Variants in MRTFA observed in about 807,000 individuals in gnomAD.
MRTFA encodes myocardin-related transcription factor A.
A neutral mutation model predicts 83.5 loss-of-function variants in MRTFA; 20 were observed. That is an observed-to-expected ratio of 0.24 (90% CI 0.17 to 0.35). The LOEUF (loss-of-function observed/expected upper bound fraction) is 0.35. Ranked by LOEUF, MRTFA falls within the 10% of genes least tolerant of loss-of-function variation. The pLI is 1.00. For synonymous variants in MRTFA, 659 were observed against 541.2 expected, an observed-to-expected ratio of 1.22 and a Z score of -3.02; for missense variants, 1,200 against 1,224.7, an observed-to-expected ratio of 0.98 and a Z score of 0.30.
chr22:40,437,884 A>G (rs1313155529), intron 4 of MRTFA, among the ~76,000 whole-genome samples: 1 of 151,974 alleles, frequency 6.6e-6, no homozygotes, highest in Non-Finnish European at 1.5e-5. Context: ...TTTTTTAGTC[A>G]CTCACAGCAT....
chr22:40,548,357 T>TTA (rs1174393049), intron 3 of MRTFA, among the ~76,000 whole-genome samples: 1 of 5,912 alleles, frequency 1.7e-4, no homozygotes, highest in Non-Finnish European at 3.0e-4. Flanking sequence ...AGACTCCGTC[T>TTA]CAAAAAAAAA....
chr22:40,428,302 G>A (rs1474035083), intron 7 of MRTFA, among the ~76,000 whole-genome samples: 1 of 152,222 alleles, frequency 6.6e-6, no homozygotes, highest in African/African-American at 2.4e-5. Context: ...AATGGCATCT[G>A]AAAAGAAATG....
chr22:40,488,694 A>T (rs1292010030), intron 3 of MRTFA, among the ~76,000 whole-genome samples: 1 of 152,048 alleles, frequency 6.6e-6, no homozygotes, highest in Non-Finnish European at 1.5e-5. Flanking sequence ...TTAGCCAGGC[A>T]TGGTGGCGGG....
At chr22:40,541,931 G>A (rs975590289) in intron 3 of MRTFA, among the ~76,000 whole-genome samples, 2 of 152,124 alleles carry the variant, frequency 1.3e-5, no homozygotes, top group Non-Finnish European at 2.9e-5. Flanking sequence ...CTCCCAAAGC[G>A]CTGGGATTAC....
At chr22:40,572,334 G>T (rs1207509784) in intron 2 of MRTFA, among the ~76,000 whole-genome samples, 1 of 152,130 alleles carries the variant, frequency 6.6e-6, no homozygotes, top group Non-Finnish European at 1.5e-5. Flanking sequence ...ACTTTGCCAG[G>T]TGCAGAGGTG....
intron 2 of MRTFA, among the ~76,000 whole-genome samples, chr22:40,583,314 C>G (rs1441552341): frequency 6.6e-6 from 1 of 152,146 alleles, no homozygotes; most frequent in Admixed American, 6.5e-5. Flanking sequence ...AGCTCACAAA[C>G]TAGGCAGTCA....
rs149321204 is a variant in MRTFA at position 40,434,041 on chromosome 22, G to A, written c.363+1458C>T. 2.5e-3 allele frequency among the ~76,000 whole-genome samples: 384 copies of A among 152,304 alleles called. 7 individuals carry two copies. Among genetic ancestry groups the A allele is most frequent in the Non-Finnish European group, 6.2e-4 (42 of 68,026 alleles). ...CTCTTAGCTGCATCTATAAAATGAGGATAATACCACCTAATTCATAAGAGT... is the reference window on the plus strand; with the variant it reads ...CTCTTAGCTGCATCTATAAAATGAGAATAATACCACCTAATTCATAAGAGT... On this transcript the variant is annotated intron_variant, in intron 5 of 14. Transcript: ENST00000355630.
intron 3 of MRTFA, among the ~76,000 whole-genome samples, chr22:40,488,501 G>A (rs75768218): frequency 0.02 from 3,023 of 152,192 alleles, 89 homozygotes; most frequent in African/African-American, 0.068. Context: ...TGGGCGACAC[G>A]GTGAGACTCC....
intron 3 of MRTFA, among the ~76,000 whole-genome samples, chr22:40,530,457 T>G (rs113458238): frequency 1.3e-5 from 2 of 152,136 alleles, no homozygotes; most frequent in African/African-American, 4.8e-5. Context: ...CCACCACACC[T>G]GGCTAATTTC....
Position 40,543,428 on chromosome 22 carries a change from A to C in MRTFA, c.241+8678T>G, listed in dbSNP as rs542700704. ...TCTTAAATCTTACATAAAGGAGGAGAAAAACCACTGTGAAAGAGGAAAGGC... is the reference window on the plus strand; with the variant it reads ...TCTTAAATCTTACATAAAGGAGGAGCAAAACCACTGTGAAAGAGGAAAGGC... On this transcript the variant is annotated intron_variant, in intron 3 of 14. Transcript: ENST00000355630. 2.0e-5 allele frequency among the ~76,000 whole-genome samples: 3 copies of C among 152,286 alleles called. No homozygotes were observed. The South Asian group carries it at 6.2e-4, about 32-fold the overall frequency.
chr22:40,611,493 C>T (rs1421919180), intron 1 of MRTFA, among the ~76,000 whole-genome samples: 2 of 152,042 alleles, frequency 1.3e-5, no homozygotes, highest in Non-Finnish European at 2.9e-5. Context: ...AATCCTCCCA[C>T]CTCAGCCTCC....
intron 2 of MRTFA, among the ~76,000 whole-genome samples, chr22:40,576,116 C>T (rs1259167098): frequency 6.6e-6 from 1 of 151,182 alleles, no homozygotes; most frequent in Non-Finnish European, 1.5e-5. Context: ...GCAACCTCCA[C>T]CCCGTGGGTT....
chr22:40,494,954 G>A (rs562949784), intron 3 of MRTFA, among the ~76,000 whole-genome samples: 4 of 152,072 alleles, frequency 2.6e-5, no homozygotes, highest in South Asian at 2.1e-4. Flanking sequence ...GATAAAAGGT[G>A]GTGGTTTACC....
At chr22:40,560,525 T>C (rs747128131) in intron 2 of MRTFA, among the ~76,000 whole-genome samples, 3 of 152,224 alleles carry the variant, frequency 2.0e-5, no homozygotes, top group Non-Finnish European at 4.4e-5. Context: ...TGTTGAGGTA[T>C]AGCCATCATA....
At chr22:40,535,630 G>T (rs1330003290) in intron 3 of MRTFA, among the ~76,000 whole-genome samples, 5 of 152,152 alleles carry the variant, frequency 3.3e-5, no homozygotes, top group Non-Finnish European at 5.9e-5. Context: ...TGGGATTACA[G>T]GCCTGAACCA....
At chr22:40,526,504 G>C (rs555444226) in intron 3 of MRTFA, 1 of 152,322 alleles carries the variant, frequency 6.6e-6, no homozygotes, top group Admixed American at 6.5e-5. Context: ...AAACAAGCAA[G>C]GGAGAGAAGA....
chr22:40,440,951 T>TA (rs965372360), intron 4 of MRTFA, among the ~76,000 whole-genome samples: 20 of 152,196 alleles, frequency 1.3e-4, no homozygotes, highest in South Asian at 6.2e-4. Flanking sequence ...GCATTCATCT[T>TA]AGACTCCATC....
intron 4 of MRTFA, among the ~76,000 whole-genome samples, chr22:40,455,927 C>A (rs931170542): frequency 2.0e-5 from 3 of 152,010 alleles, no homozygotes; most frequent in African/African-American, 7.3e-5. Flanking sequence ...AAGCAATTCC[C>A]CCTGCTTCAG....
chr22:40,616,354 G>A (rs969297218), intron 1 of MRTFA, among the ~76,000 whole-genome samples: 6 of 152,182 alleles, frequency 3.9e-5, no homozygotes, highest in Admixed American at 3.3e-4. Context: ...GAAGAGGAAA[G>A]AGCATGGTAT....
Sources: gnomAD v4.1 joint callset for allele counts (sites outside exome capture counted in the v4.1 genomes callset) on GRCh38, gnomAD v4.1.1 for gene constraint, MANE v1.5 for transcripts, NCBI Gene and HGNC (gene_info 2026-07-23, HGNC 2026-07-21) for gene names.